The following WIZ variants were observed in gnomAD, a reference collection of about 807,000 sequenced individuals.
WIZ encodes the protein WIZ zinc finger.
Under a neutral mutation model 140.2 loss-of-function variants are expected in WIZ, and 25 were observed. That is an observed-to-expected ratio of 0.18 (90% CI 0.13 to 0.25). The LOEUF (loss-of-function observed/expected upper bound fraction) is 0.25. WIZ is among the 10% of genes least tolerant of loss of function. The pLI is 1.00. For missense variants in WIZ, 2,231 were observed against 2,632.6 expected, an observed-to-expected ratio of 0.85 and a Z score of 3.34; for synonymous variants, 1,125 against 1,154.3, an observed-to-expected ratio of 0.97 and a Z score of 0.51.
At chr19:15,434,108 AT>A (rs1297911106) in intron 5 of WIZ, among the ~76,000 whole-genome samples, 2 of 152,100 alleles carry the variant, frequency 1.3e-5, no homozygotes, top group African/African-American at 4.8e-5. Context: ...TACAAAAAAA[AT>A]TAGCTGGGCA....
At position 15,424,515 on chromosome 19, in the gene WIZ, G is replaced by C. The variant is rs1968589411; in HGVS notation, c.5314+98C>G. On this transcript the variant is annotated intron_variant, in intron 11 of 12. Coordinates refer to ENST00000673675, the MANE Select transcript of WIZ (RefSeq NM_001371589.1). This position sits in a 1 kb window ranked among gnomAD's most constrained non-coding sequence, Gnocchi z 9.7. The stretch of plus-strand genomic sequence containing the variant: ...ATGGGTGAATGGGTAAGCAACTGGA[G>C]AAAGGACTTAAGGGCCACAGCAGAG... The C allele has an allele frequency of 2.6e-6, 4 of 1,530,410 alleles. No homozygotes were observed. The East Asian group carries it at 9.3e-5, about 36-fold the overall frequency. 94.8% of individuals were successfully genotyped at this position (1,530,410 alleles called of 1,614,324 possible). A position where few individuals can be genotyped will look rare whatever the true frequency, so the allele number is the denominator to read the frequency against.
Position 15,448,381 on chromosome 19 carries a change from G to T in WIZ, c.-60-14C>A. ...GGCATTGTGGGCCTGGGGATAGAGA[G>T]AAGGAAGTGCTTAGGGGATGGAGGA... On this transcript the variant is annotated splice_polypyrimidine_tract_variant and intron_variant, in intron 1 of 12. Transcript: ENST00000673675. The T allele has an allele frequency of 1.3e-6, 2 of 1,563,848 alleles. No individual in the cohort carries two copies. Among genetic ancestry groups the T allele is most frequent in the Non-Finnish European group, 8.7e-7 (1 of 1,153,146 alleles).
At chr19:15,435,359 C>T (rs1008462837) in intron 5 of WIZ, among the ~76,000 whole-genome samples, 2 of 152,122 alleles carry the variant, frequency 1.3e-5, no homozygotes, top group Admixed American at 6.5e-5. Flanking sequence ...AATCCCTGCA[C>T]TTTGGGAGGC....
In WIZ at chr19:15,432,571, G is replaced by T. The variant is rs1457133148; in HGVS notation, c.2741-1389C>A. On this transcript the variant is annotated intron_variant, in intron 5 of 12. Coordinates refer to ENST00000673675, the MANE Select transcript of WIZ (RefSeq NM_001371589.1). ...CGGCGGCGGCGGCGCGGGGGGTGCC[G>T]CGGGGCCCGGGCTCGGGGGGCTGGG... 2.4e-5 allele frequency: 13 copies of T among 534,638 alleles called. No individual in the cohort carries two copies. In the East Asian group the frequency reaches 2.0e-3, roughly 83 times the overall value. 33.1% of individuals were successfully genotyped at this position (534,638 alleles called of 1,614,324 possible).
At position 15,439,560 on chromosome 19, in the gene WIZ, C is replaced by T. The variant is rs1325102603; in HGVS notation, c.1434G>A (p.Leu478=). ...GCACCAGCCTCACGTGCTCCCTGAG[C>T]AGGCTCTCGCTGGGCGCGGGGAAAC... ...FCGFPAPSES[L]LREHVRLVHA... Residue 478 remains leucine, a synonymous_variant, in exon 4 of 13, where the codon CTG becomes CTA. Transcript: ENST00000673675. This position sits in a 1 kb window ranked among gnomAD's most constrained non-coding sequence, Gnocchi z 7.0. 6.7e-7 allele frequency: 1 copy of T among 1,501,058 alleles called. No homozygotes were observed. The highest frequency in any genetic ancestry group is 8.9e-7 in the Non-Finnish European group (1 of 1,128,068). 93.0% of individuals were successfully genotyped at this position (1,501,058 alleles called of 1,614,324 possible).
intron 12 of WIZ, among the ~76,000 whole-genome samples, chr19:15,423,503 C>T (rs1370194714): frequency 6.6e-6 from 1 of 152,168 alleles, no homozygotes; most frequent in Non-Finnish European, 1.5e-5. Flanking sequence ...TTCCAGGTAC[C>T]CCTGCCATCT....
intron 12 of WIZ, among the ~76,000 whole-genome samples, 184 bp from the exon 13 acceptor site, chr19:15,423,419 G>A (rs1263953574): frequency 2.0e-5 from 3 of 152,148 alleles, no homozygotes; most frequent in Non-Finnish European, 4.4e-5. Flanking sequence ...CTCACCATGG[G>A]GTCATGGCAG....
At chr19:15,446,378 C>T (rs1210107905) in intron 2 of WIZ, among the ~76,000 whole-genome samples, 1 of 152,194 alleles carries the variant, frequency 6.6e-6, no homozygotes, top group Non-Finnish European at 1.5e-5. Flanking sequence ...ATCAAAGTCC[C>T]CGCCCAGCCC....
In WIZ at chr19:15,429,635, G is replaced by A; in HGVS notation, c.3366C>T (p.Ser1122=). Residue 1122 remains serine, a synonymous_variant, in exon 7 of 13, where the codon TCC becomes TCT. Transcript: ENST00000673675. ...CAGACTGAGGCCACTGTGCCTTTGG[G>A]GAGGCCGGCCGGGGGCTCAGGGACA... is the stretch of plus-strand genomic sequence containing the variant. ...PQLSLSPRPA[S]PKAQWPQSED... is the part of the protein sequence containing the mutation. The A allele has an allele frequency of 7.0e-7, 1 of 1,419,252 alleles. No homozygotes were observed. Among genetic ancestry groups the A allele is most frequent in the Non-Finnish European group, 9.2e-7 (1 of 1,089,538 alleles). 87.9% of individuals were successfully genotyped at this position (1,419,252 alleles called of 1,614,324 possible).
chr19:15,446,072 C>T lies in WIZ; in HGVS notation c.205+2031G>A, dbSNP rs550233291. On this transcript the variant is annotated intron_variant, in intron 2 of 12. Coordinates refer to ENST00000673675, the MANE Select transcript of WIZ (RefSeq NM_001371589.1). ...TCTTCCAACATTCAGGCCATGACCTCACTCCAAGTCAAGCCATTCCTATCC... is the reference window on the plus strand; with the variant it reads ...TCTTCCAACATTCAGGCCATGACCTTACTCCAAGTCAAGCCATTCCTATCC... Among the ~76,000 whole-genome samples, 115 of 152,310 alleles carry T rather than the reference C, an allele frequency of 7.6e-4. 1 individual carries two copies. Among genetic ancestry groups the T allele is most frequent in the African/African-American group, 2.7e-3 (113 of 41,558 alleles).
In WIZ at chr19:15,420,616, T is replaced by C. The variant is rs555522556; in HGVS notation, c.*2460A>G. The C allele has an allele frequency of 1.4e-4, 22 of 152,180 alleles. No homozygotes were observed. The highest frequency in any genetic ancestry group is 7.9e-4 in the Admixed American group (12 of 15,284). The allele number at this position is 152,180 out of a possible 1,614,324, so 9.4% of individuals were successfully genotyped here. ...AAAGCTGAGACTTTGCTGCCTGAGGTGTATTGAAGTGGCTTGAGCAGAGAA... is the reference window on the plus strand; with the variant it reads ...AAAGCTGAGACTTTGCTGCCTGAGGCGTATTGAAGTGGCTTGAGCAGAGAA... On this transcript the variant is annotated 3_prime_UTR_variant, in exon 13 of 13. Coordinates refer to ENST00000673675, the MANE Select transcript of WIZ (RefSeq NM_001371589.1).
At chr19:15,438,407 T>C (rs937869631) in intron 4 of WIZ, among the ~76,000 whole-genome samples, 171 bp downstream of exon 4, 1 of 152,202 alleles carries the variant, frequency 6.6e-6, no homozygotes, top group Non-Finnish European at 1.5e-5. Context: ...GCCAGGGGAC[T>C]GGGGCGTCTC....
chr19:15,431,957 G>C (rs1969268818), intron 5 of WIZ, among the ~76,000 whole-genome samples: 1 of 152,210 alleles, frequency 6.6e-6, no homozygotes. Context: ...AAAGGATGAA[G>C]GAACTGTGCC....
In WIZ at chr19:15,424,922, T is replaced by C; in HGVS notation, c.5005A>G (p.Asn1669Asp). Residue 1669 changes from asparagine (N) to aspartate (D), a missense_variant, in exon 11 of 13, where the codon AAT becomes GAT. This residue lies in a region of WIZ where 18 missense variants were observed against 61.4 expected (regional missense o/e 0.29). Transcript: ENST00000673675. The surrounding 1 kb of genome is among the most constrained non-coding windows in gnomAD (Gnocchi z 9.7). ...RQFGVTEWCV[N>D]GSPIETLSEW... ...CTCAGTGTCTCGATGGGCGAGCCAT[T>C]GACGCACCACTCGGTCACGCCGAAC... 1 of 1,611,138 alleles carries C rather than the reference T, an allele frequency of 6.2e-7. No individual in the cohort carries two copies. The highest frequency in any genetic ancestry group is 8.5e-7 in the Non-Finnish European group (1 of 1,179,336).
rs908368630 is a variant in WIZ, at chr19:15,440,565, G to A, written c.429C>T (p.Phe143=). ...AGEGILSERR[F]EDSVIVRTMK... The stretch of plus-strand genomic sequence containing the variant: ...TGGTTCTCACAATGACTGAGTCCTC[G>A]AATCTCCGCTCAGATAGGATGCCCT... Residue 143 remains phenylalanine, a synonymous_variant, in exon 4 of 13, where the codon TTC becomes TTT. Transcript: ENST00000673675. The surrounding 1 kb of genome is among the most constrained non-coding windows in gnomAD (Gnocchi z 6.2). 33 of 1,536,008 alleles carry A rather than the reference G, an allele frequency of 2.1e-5. 1 individual carries two copies. In the Middle Eastern group the frequency reaches 1.5e-3, roughly 70 times the overall value.
At position 15,439,826 on chromosome 19, in the gene WIZ, G is replaced by C. The variant is rs1280916292; in HGVS notation, c.1168C>G (p.Gln390Glu). The C allele has an allele frequency of 2.9e-5, 44 of 1,528,440 alleles. No individual in the cohort carries two copies. The highest frequency in any genetic ancestry group is 3.7e-5 in the Non-Finnish European group (42 of 1,143,254). 94.7% of individuals were successfully genotyped at this position (1,528,440 alleles called of 1,614,324 possible). The change falls in exon 4 of 13, where the codon CAA becomes GAA. Residue 390 changes from glutamine (Q) to glutamate (E), a missense_variant. By Grantham distance (29) the Gln-to-Glu change is conservative. Transcript: ENST00000673675. This position sits in a 1 kb window ranked among gnomAD's most constrained non-coding sequence, Gnocchi z 7.0. ...KIIEEIQKLK[Q>E]VPGDEGREAR... ...TCCCGGCCCTCGTCTCCTGGAACTTGCTTCAGCTTTTGGATCTCCTCAATG... is the reference window on the plus strand; with the variant it reads ...TCCCGGCCCTCGTCTCCTGGAACTTCCTTCAGCTTTTGGATCTCCTCAATG...
chr19:15,440,235 GC>G lies in WIZ; in HGVS notation c.758del (p.Gly253AlafsTer9). On this transcript the variant is annotated frameshift_variant, in exon 4 of 13. Transcript: ENST00000673675. LOFTEE classifies it high-confidence loss of function. The surrounding 1 kb of genome is among the most constrained non-coding windows in gnomAD (Gnocchi z 6.2). ...LEGLAQPSEWGLPTSASEVAT... is the reference protein window; with the variant it reads ...LEGLAQPSEWXLPTSASEVAT... ...CTACCTCCGAGGCTGACGTGGGTAG[GC>G]CCCACTCGGACGGCTGGGCCAGCCC... 6.7e-7 allele frequency: 1 copy of G among 1,501,562 alleles called. No individual in the cohort carries two copies. Among genetic ancestry groups the G allele is most frequent in the Admixed American group, 2.2e-5 (1 of 45,942 alleles). 93.0% of individuals were successfully genotyped at this position (1,501,562 alleles called of 1,614,324 possible).
rs183617944 is a variant in WIZ at position 15,435,004 on chromosome 19, G to A, written c.2740+1802C>T. Among the ~76,000 whole-genome samples, 227 of 152,172 alleles carry A rather than the reference G, an allele frequency of 1.5e-3. 5 individuals carry two copies. The highest frequency in any genetic ancestry group is 5.2e-3 in the African/African-American group (217 of 41,520). On this transcript the variant is annotated intron_variant, in intron 5 of 12. Coordinates refer to ENST00000673675, the MANE Select transcript of WIZ (RefSeq NM_001371589.1). ...AGCACTTTGGGAGGACGAGGCAGGC[G>A]GATCACGAGGTCAGGAGATAGACAC...
At position 15,448,337 on chromosome 19, in the gene WIZ, TG is replaced by T; in HGVS notation, c.-31del. 1.2e-6 allele frequency: 2 copies of T among 1,607,680 alleles called. No homozygotes were observed. Among genetic ancestry groups the T allele is most frequent in the Non-Finnish European group, 1.7e-6 (2 of 1,179,514 alleles). ...TTTTCTCTGCTTGGATCCACTCAGCTGCTGCACCGGCTCAGCGGGGCATTGT... is the reference window on the plus strand; with the variant it reads ...TTTTCTCTGCTTGGATCCACTCAGCTCTGCACCGGCTCAGCGGGGCATTGT... On this transcript the variant is annotated 5_prime_UTR_variant, in exon 2 of 13. Transcript: ENST00000673675.
Sources: allele counts gnomAD v4.1 joint callset (sites outside exome capture counted in the v4.1 genomes callset), GRCh38; gene constraint gnomAD v4.1.1; regional missense constraint gnomAD v4.1.1; non-coding constraint Gnocchi (gnomAD v3.1); transcripts MANE v1.5; gene names NCBI Gene and HGNC (gene_info 2026-07-23, HGNC 2026-07-21).